Variants in PEG3 observed in about 807,000 individuals in gnomAD.
PEG3 encodes paternally expressed 3, also known as paternally-expressed gene 3 protein.
PEG3 carries 23 observed loss-of-function variants against 35.5 expected under a neutral mutation model. That is an observed-to-expected ratio of 0.65 (90% CI 0.47 to 0.92). The LOEUF is 0.92. PEG3 is among the 40% of genes least tolerant of loss of function. The probability of loss-of-function intolerance (pLI) is 0.00; values close to 1 mark genes in which losing one functional copy is unlikely to be tolerated. For synonymous variants in PEG3, 707 were observed against 697.0 expected (o/e 1.01, Z -0.23); for missense variants, 1,960 against 1,985.3 (o/e 0.99, Z 0.24).
rs1394530316 is a variant in PEG3 at position 56,812,577 on chromosome 19, C to T, written c.*1098G>A. The T allele has an allele frequency of 3.0e-6, 3 of 985,524 alleles. No homozygotes were observed. Among genetic ancestry groups the T allele is most frequent in the African/African-American group, 1.7e-5 (1 of 57,176 alleles). 61.0% of individuals were successfully genotyped at this position (985,524 alleles called of 1,614,324 possible). A position where few individuals can be genotyped will look rare whatever the true frequency, so the allele number is the denominator to read the frequency against. On this transcript the variant is annotated 3_prime_UTR_variant, in exon 10 of 10. Coordinates refer to ENST00000326441, the MANE Select transcript of PEG3 (RefSeq NM_006210.3). ...CATAAGCTGATGCTGCACAGGGGAC[C>T]CAAGCCATGTTGCTACTTGTCACTT...
chr19:56,810,157 C>G lies in PEG3; in HGVS notation c.*3518G>C, dbSNP rs2048019013. The G allele has an allele frequency of 1.0e-6, 1 of 979,630 alleles. No homozygotes were observed. Among genetic ancestry groups the G allele is most frequent in the Non-Finnish European group, 1.2e-6 (1 of 824,726 alleles). 60.7% of individuals were successfully genotyped at this position (979,630 alleles called of 1,614,324 possible). A position where few individuals can be genotyped will look rare whatever the true frequency, so the allele number is the denominator to read the frequency against. On this transcript the variant is annotated 3_prime_UTR_variant, in exon 10 of 10. Transcript: ENST00000326441. Reference sequence around the variant, plus strand: ...CACAACCATATTAACAAACCAAAAACCTGTGCACAGAAACAAGATGAAGAA... The same window carrying G: ...CACAACCATATTAACAAACCAAAAAGCTGTGCACAGAAACAAGATGAAGAA...
chr19:56,812,570 A>AG lies in PEG3; in HGVS notation c.*1104dup. On this transcript the variant is annotated 3_prime_UTR_variant, in exon 10 of 10. Transcript: ENST00000326441. ...GTGGCAGCATAAGCTGATGCTGCAC[A>AG]GGGGACCCAAGCCATGTTGCTACTT... 1 of 985,842 alleles carries AG rather than the reference A, an allele frequency of 1.0e-6. No individual in the cohort carries two copies. The highest frequency in any genetic ancestry group is 4.7e-5 in the South Asian group (1 of 21,290). 61.1% of individuals were successfully genotyped at this position (985,842 alleles called of 1,614,324 possible). A position where few individuals can be genotyped will look rare whatever the true frequency, so the allele number is the denominator to read the frequency against.
In PEG3 at chr19:56,822,648, C is replaced by T. The variant is rs1380456638; in HGVS notation, c.565+105G>A. On this transcript the variant is annotated intron_variant, in intron 6 of 9. Transcript: ENST00000326441. Reference sequence around the variant, plus strand: ...ACTTTTGGGGAAGCGGAATATACTCCAAATGGAGCAGCAGAAACTTCGAGG... The same window carrying T: ...ACTTTTGGGGAAGCGGAATATACTCTAAATGGAGCAGCAGAAACTTCGAGG... 2.0e-6 allele frequency: 3 copies of T among 1,480,924 alleles called. No homozygotes were observed. In the African/African-American group the frequency reaches 4.2e-5, roughly 21 times the overall value. The allele number at this position is 1,480,924 out of a possible 1,614,324, so 91.7% of individuals were successfully genotyped here. A position where few individuals can be genotyped will look rare whatever the true frequency, so the allele number is the denominator to read the frequency against.
chr19:56,816,523 G>C lies in PEG3; in HGVS notation c.1919C>G (p.Ser640Ter), dbSNP rs749877300. The change falls in exon 10 of 10, where the codon TCA (serine) becomes TGA (stop). Residue 640 changes from serine (S) to a stop codon, truncating the protein, a stop_gained. Transcript: ENST00000326441. LOFTEE classifies it low-confidence loss of function (END_TRUNC). ...KVCGETFLHS[S>*]SLKEHQKIHT... ...GATTTTCTGATGTTCTTTCAGGGAT[G>C]AGCTATGAAGGAAAGTCTCCCCACA... 1.2e-6 allele frequency: 2 copies of C among 1,613,338 alleles called. No individual in the cohort carries two copies. The highest frequency in any genetic ancestry group is 1.7e-6 in the Non-Finnish European group (2 of 1,179,560).
At chr19:56,833,453 C>G (rs2061771745) in intron 2 of PEG3, 1 of 324,842 alleles carries the variant, frequency 3.1e-6, no homozygotes, top group African/African-American at 2.2e-5. Flanking sequence ...TCAGCACGCA[C>G]ATGGAGTAAG....
At chr19:56,840,480 G>A (rs1041822996) in intron 1 of PEG3, 102 bp downstream of exon 1, 2 of 152,248 alleles carry the variant, frequency 1.3e-5, no homozygotes, top group Non-Finnish European at 2.9e-5. Flanking sequence ...GCTTGCCGCG[G>A]GGTCTTGGGC....
intron 2 of PEG3, among the ~76,000 whole-genome samples, chr19:56,835,303 T>G (rs2061977651): frequency 6.6e-6 from 1 of 152,174 alleles, no homozygotes; most frequent in Admixed American, 6.5e-5. Context: ...CACCACAGAT[T>G]ACAAGTCTTT....
Position 56,814,005 on chromosome 19 carries a change from G to A in PEG3, c.4437C>T (p.Ala1479=), listed in dbSNP as rs369385559. The change falls in exon 10 of 10, where the codon GCC becomes GCT. Residue 1479 remains alanine (A), a synonymous_variant. Coordinates refer to ENST00000326441, the MANE Select transcript of PEG3 (RefSeq NM_006210.3). The surrounding 1 kb of genome is among the most constrained non-coding windows in gnomAD (Gnocchi z 5.8). ...EGKAEEPEGD[A]DEPDGVGIED... is the part of the protein sequence containing the mutation. ...CAATTCCCACACCGTCAGGCTCGTC[G>A]GCATCTCCCTCTGGCTCTTCAGCTT... The A allele has an allele frequency of 9.9e-6, 16 of 1,613,942 alleles. No individual in the cohort carries two copies. The highest frequency in any genetic ancestry group is 5.9e-6 in the Non-Finnish European group (7 of 1,179,946).
rs1300682236 is a variant in PEG3, at chr19:56,815,209, G to T, written c.3233C>A (p.Thr1078Asn). ...GTCTTCAATTGTCTCCTGACCATGG[G>T]TCTCCTCGCTGTGGGTCTCCTCCCC... Reference protein sequence around the residue: ...TDGEETHSEETHGQETIEDPV... With the variant: ...TDGEETHSEENHGQETIEDPV... Residue 1078 changes from threonine (T) to asparagine (N), a missense_variant, in exon 10 of 10, where the codon ACC becomes AAC. This residue lies in a region of PEG3 where 798 missense variants were observed against 782.4 expected (regional missense o/e 1.02). Coordinates refer to ENST00000326441, the MANE Select transcript of PEG3 (RefSeq NM_006210.3). 3 of 1,613,758 alleles carry T rather than the reference G, an allele frequency of 1.9e-6. No homozygotes were observed. In the African/African-American group the frequency reaches 4.0e-5, roughly 22 times the overall value.
rs1421650959 is a variant in PEG3, at chr19:56,813,885, T to C, written c.4557A>G (p.Ala1519=). The change falls in exon 10 of 10, where the codon GCA becomes GCG. Residue 1519 remains alanine (A), a synonymous_variant. Coordinates refer to ENST00000326441, the MANE Select transcript of PEG3 (RefSeq NM_006210.3). The part of the protein sequence containing the change: ...ECTETFTSST[A]FSEHLKTHAS... Reference sequence around the variant, plus strand: ...CATGAGTTTTCAGGTGTTCACTGAATGCTGTGCTGGAAGTGAAGGTTTCTG... The same window carrying C: ...CATGAGTTTTCAGGTGTTCACTGAACGCTGTGCTGGAAGTGAAGGTTTCTG... The C allele has an allele frequency of 5.0e-6, 8 of 1,614,232 alleles. No individual in the cohort carries two copies. The highest frequency in any genetic ancestry group is 1.3e-5 in the African/African-American group (1 of 75,066).
Position 56,816,976 on chromosome 19 carries a change from C to T in PEG3, c.1466G>A (p.Ser489Asn). 6.2e-7 allele frequency: 1 copy of T among 1,614,190 alleles called. No homozygotes were observed. Among genetic ancestry groups the T allele is most frequent in the Non-Finnish European group, 8.5e-7 (1 of 1,180,018 alleles). The change falls in exon 10 of 10, where the codon AGT becomes AAT. Residue 489 changes from serine to asparagine, a missense_variant. By Grantham distance (46) the Ser-to-Asn change is conservative. Transcript: ENST00000326441. ...TTTCTGAACTTCACTGACAGCCACA[C>T]TGTGGATAAAGGACTCACCATACTC... Reference protein sequence around the residue: ...LYEYGESFIHSVAVSEVQKSQ... With the variant: ...LYEYGESFIHNVAVSEVQKSQ...
At chr19:56,840,170 T>C (rs940621687) in intron 1 of PEG3, among the ~76,000 whole-genome samples, 1 of 152,134 alleles carries the variant, frequency 6.6e-6, no homozygotes, top group African/African-American at 2.4e-5. Context: ...GCAACAGGGA[T>C]AGCATTGGTG....
intron 1 of PEG3, among the ~76,000 whole-genome samples, chr19:56,837,786 C>T (rs929082026): frequency 4.6e-5 from 7 of 152,272 alleles, no homozygotes; most frequent in Non-Finnish European, 1.0e-4. Context: ...AACAGCCCTG[C>T]TGTCACTCAA....
In PEG3 at chr19:56,810,267, C is replaced by G. The variant is rs2048032247; in HGVS notation, c.*3408G>C. The G allele has an allele frequency of 1.0e-6, 1 of 982,632 alleles. No homozygotes were observed. 60.9% of individuals were successfully genotyped at this position (982,632 alleles called of 1,614,324 possible). On this transcript the variant is annotated 3_prime_UTR_variant, in exon 10 of 10. Transcript: ENST00000326441. ...CTACATTTCTGTAACTTCAAAGTTT[C>G]TATAATGAACACATTTCATATATAA...
chr19:56,815,560 G>A lies in PEG3; in HGVS notation c.2882C>T (p.Thr961Ile). The A allele has an allele frequency of 1.2e-6, 2 of 1,614,010 alleles. No homozygotes were observed. Among genetic ancestry groups the A allele is most frequent in the Non-Finnish European group, 1.7e-6 (2 of 1,179,894 alleles). Residue 961 changes from threonine to isoleucine, a missense_variant, in exon 10 of 10, where the codon ACA becomes ATA. Thr to Ile is a moderately conservative substitution (Grantham distance 89). Transcript: ENST00000326441. ...ATAGAGCATCCCTCGAGGGCGAAAT[G>A]TTTGTTCACCAAAAGGCAGAGAGTG... The part of the protein sequence containing the change: ...VIHSLPFGEQ[T>I]FRPRGMLYEC...
In PEG3 at chr19:56,815,192, T is replaced by C. The variant is rs1451262934; in HGVS notation, c.3250A>G (p.Ile1084Val). 3.7e-6 allele frequency: 6 copies of C among 1,614,070 alleles called. No homozygotes were observed. The highest frequency in any genetic ancestry group is 2.7e-5 in the African/African-American group (2 of 75,072). The change falls in exon 10 of 10, where the codon ATT becomes GTT. Residue 1084 changes from isoleucine (I) to valine (V), a missense_variant. Physicochemically the swap from Ile to Val is conservative, Grantham distance 29. Coordinates refer to ENST00000326441, the MANE Select transcript of PEG3 (RefSeq NM_006210.3). ...GAGCCTTGAATGACAGGGTCTTCAA[T>C]TGTCTCCTGACCATGGGTCTCCTCG... ...HSEETHGQETIEDPVIQGSDM... is the reference protein window; with the variant it reads ...HSEETHGQETVEDPVIQGSDM...
At chr19:56,821,518 C>A in intron 7 of PEG3, 133 bp downstream of exon 7, 1 of 1,084,600 alleles carries the variant, frequency 9.2e-7, no homozygotes, top group African/African-American at 1.6e-5. Flanking sequence ...GGCCCGGGCT[C>A]CTCCTGGAGC....
At position 56,822,761 on chromosome 19, in the gene PEG3, G is replaced by A. The variant is rs920824467; in HGVS notation, c.557C>T (p.Pro186Leu). Reference sequence around the variant, plus strand: ...AAGTGGTTAAGACTCACTGCTTCTTGGGTTCCTGGTGTGGGACCAGCGGTC... The same window carrying A: ...AAGTGGTTAAGACTCACTGCTTCTTAGGTTCCTGGTGTGGGACCAGCGGTC... ...PRDRWSHTRN[P>L]RSRMPPRDLS... The change falls in exon 6 of 10, where the codon CCA (proline) becomes CTA (leucine). Residue 186 changes from proline (P) to leucine (L), a missense_variant. Physicochemically the swap from Pro to Leu is moderately conservative, Grantham distance 98. Coordinates refer to ENST00000326441, the MANE Select transcript of PEG3 (RefSeq NM_006210.3). 1.2e-6 allele frequency: 2 copies of A among 1,614,094 alleles called. No individual in the cohort carries two copies. Among genetic ancestry groups the A allele is most frequent in the African/African-American group, 2.7e-5 (2 of 75,036 alleles).
Position 56,816,432 on chromosome 19 carries a change from C to G in PEG3, c.2010G>C (p.Gln670His). The change falls in exon 10 of 10, where the codon CAG becomes CAC. Residue 670 changes from glutamine to histidine, a missense_variant. Around this residue, in one of 5 missense-constraint regions of PEG3, gnomAD observed 798 missense variants for 782.4 expected, o/e 1.02. Coordinates refer to ENST00000326441, the MANE Select transcript of PEG3 (RefSeq NM_006210.3). ...AAGTTTTCTGACGCCTTTTAAGGGACTGACCAGGAATAAAGGTTTCCTCAC... is the reference window on the plus strand; with the variant it reads ...AAGTTTTCTGACGCCTTTTAAGGGAGTGACCAGGAATAAAGGTTTCCTCAC... ...KVCEETFIPGQSLKRRQKTYN... is the reference protein window; with the variant it reads ...KVCEETFIPGHSLKRRQKTYN... 6.2e-7 allele frequency: 1 copy of G among 1,614,050 alleles called. No homozygotes were observed. Among genetic ancestry groups the G allele is most frequent in the Non-Finnish European group, 8.5e-7 (1 of 1,179,900 alleles).
Sources: gnomAD v4.1 joint callset for allele counts (sites outside exome capture counted in the v4.1 genomes callset) on GRCh38, gnomAD v4.1.1 for gene constraint, gnomAD v4.1.1 regional missense constraint, Gnocchi (gnomAD v3.1) non-coding constraint, MANE v1.5 for transcripts, NCBI Gene and HGNC (gene_info 2026-07-23, HGNC 2026-07-21) for gene names.